The following MYO5A variants were observed in gnomAD, a reference collection of about 807,000 sequenced individuals.
MYO5A encodes myosin VA.
Under a neutral mutation model 249.7 loss-of-function variants are expected in MYO5A, and 98 were observed. The observed-to-expected ratio is 0.39, with a 90% CI of 0.33 to 0.46. MYO5A has a LOEUF of 0.46. MYO5A is among the 20% of genes least tolerant of loss of function. The pLI, the probability that MYO5A is intolerant of heterozygous loss-of-function variation, is 0.98. For synonymous variants in MYO5A, 778 were observed against 810.6 expected (o/e 0.96, Z 0.68); for missense variants, 1,696 against 2,308.8 (o/e 0.73, Z 5.44).
chr15:52,463,391 C>T (rs1359670036), intron 1 of MYO5A, among the ~76,000 whole-genome samples: 1 of 152,126 alleles, frequency 6.6e-6, no homozygotes, highest in African/African-American at 2.4e-5. Context: ...AAACGTCATC[C>T]ATGAGTTAAG....
At chr15:52,425,549 G>A (rs985122008) in intron 4 of MYO5A, among the ~76,000 whole-genome samples, 6 of 152,024 alleles carry the variant, frequency 3.9e-5, no homozygotes, top group Admixed American at 2.6e-4. Context: ...TAGTAGAGGC[G>A]GGGTTTCGCC....
intron 1 of MYO5A, among the ~76,000 whole-genome samples, chr15:52,478,067 G>A (rs1307603290): frequency 3.3e-5 from 5 of 152,158 alleles, no homozygotes; most frequent in Non-Finnish European, 5.9e-5. Flanking sequence ...CACCCAGTTC[G>A]AGCTTCCCAG....
chr15:52,487,485 A>G (rs1223582803), intron 1 of MYO5A, among the ~76,000 whole-genome samples: 1 of 152,088 alleles, frequency 6.6e-6, no homozygotes, highest in African/African-American at 2.4e-5. Flanking sequence ...ACACTTTGGG[A>G]GGCCGAGGCA....
intron 1 of MYO5A, among the ~76,000 whole-genome samples, chr15:52,526,404 G>A (rs370199249): frequency 3.4e-4 from 51 of 151,742 alleles, no homozygotes; most frequent in African/African-American, 1.2e-3. Context: ...ACAGAGTTTC[G>A]CTCTTGTTGC....
chr15:52,344,351 A>G (rs1221000593), intron 30 of MYO5A, among the ~76,000 whole-genome samples: 2 of 152,086 alleles, frequency 1.3e-5, no homozygotes, highest in Non-Finnish European at 2.9e-5. Flanking sequence ...CATATGTATA[A>G]ATCTACTGAT....
At chr15:52,510,469 C>G (rs190481874) in intron 1 of MYO5A, among the ~76,000 whole-genome samples, 26 of 152,268 alleles carry the variant, frequency 1.7e-4, no homozygotes, top group African/African-American at 6.0e-4. Context: ...GTCCCCCATC[C>G]CCGGGCTATG....
chr15:52,522,563 C>T (rs1220001784), intron 1 of MYO5A, among the ~76,000 whole-genome samples: 1 of 152,324 alleles, frequency 6.6e-6, no homozygotes, highest in Non-Finnish European at 1.5e-5. Context: ...GTACCTCATA[C>T]TTCACTGGGA....
intron 1 of MYO5A, among the ~76,000 whole-genome samples, chr15:52,456,469 A>C (rs773706418): frequency 8.5e-5 from 13 of 152,124 alleles, no homozygotes; most frequent in Non-Finnish European, 1.9e-4. Context: ...AAACAATCCT[A>C]AAATTTATAT....
At chr15:52,496,688 C>A (rs942211940) in intron 1 of MYO5A, among the ~76,000 whole-genome samples, 3 of 152,144 alleles carry the variant, frequency 2.0e-5, no homozygotes, top group Non-Finnish European at 4.4e-5. Flanking sequence ...GGGCAAATAT[C>A]CCATAACACC....
chr15:52,429,431 G>A (rs1040111028), intron 2 of MYO5A, among the ~76,000 whole-genome samples: 11 of 152,174 alleles, frequency 7.2e-5, no homozygotes, highest in African/African-American at 2.7e-4. Flanking sequence ...GCTCATGCCT[G>A]TAATCCCAAC....
intron 7 of MYO5A, among the ~76,000 whole-genome samples, chr15:52,407,656 C>T (rs1000078791): frequency 2.0e-5 from 3 of 151,030 alleles, no homozygotes; most frequent in Admixed American, 1.3e-4. Context: ...GGTTTTATTC[C>T]AATCTACACA....
intron 24 of MYO5A, among the ~76,000 whole-genome samples, chr15:52,363,345 T>C (rs1008432983): frequency 3.9e-5 from 6 of 152,228 alleles, no homozygotes; most frequent in Non-Finnish European, 8.8e-5. Flanking sequence ...TTTAGATTTG[T>C]CAATTATAAG....
intron 1 of MYO5A, among the ~76,000 whole-genome samples, chr15:52,483,950 C>T (rs11856989): frequency 5.3e-5 from 8 of 152,090 alleles, no homozygotes; most frequent in African/African-American, 1.7e-4. Context: ...AACTGCAAGC[C>T]GTCCACCTCC....
intron 15 of MYO5A, 84 bp from the exon 16 acceptor site, chr15:52,383,272 T>C: frequency 4.4e-6 from 5 of 1,131,554 alleles, no homozygotes; most frequent in Non-Finnish European, 6.7e-6. Flanking sequence ...TCCCTTCCTA[T>C]GACACTAATG....
At chr15:52,408,577 T>C (rs543330982) in intron 6 of MYO5A, among the ~76,000 whole-genome samples, 133 of 152,344 alleles carry the variant, frequency 8.7e-4, no homozygotes, top group African/African-American at 3.1e-3. Flanking sequence ...ACTGTGGTTA[T>C]TTGTAGGAAA....
intron 1 of MYO5A, among the ~76,000 whole-genome samples, chr15:52,453,790 C>T (rs945613611): frequency 3.9e-5 from 6 of 151,974 alleles, no homozygotes; most frequent in African/African-American, 1.4e-4. Context: ...TAGTCATCTC[C>T]TTGACATAAC....
At chr15:52,438,003 T>C in intron 1 of MYO5A, 1 of 981,656 alleles carries the variant, frequency 1.0e-6, no homozygotes, top group Non-Finnish European at 1.2e-6. Flanking sequence ...CAAGGAGAAA[T>C]AGGTCAGAAA....
intron 1 of MYO5A, among the ~76,000 whole-genome samples, chr15:52,526,903 G>A (rs902306574): frequency 6.6e-6 from 1 of 152,284 alleles, no homozygotes; most frequent in East Asian, 1.9e-4. Context: ...ACTCAAAGAT[G>A]ACTGCTCACC....
At chr15:52,459,173 T>TTTTTTTTTTA (rs1184399272) in intron 1 of MYO5A, among the ~76,000 whole-genome samples, 1 of 142,464 alleles carries the variant, frequency 7.0e-6, no homozygotes, top group Non-Finnish European at 1.5e-5. Flanking sequence ...TTTTTTTTTT[T>TTTTTTTTTTA]TAGTATTTAT....
Sources: allele counts gnomAD v4.1 joint callset (sites outside exome capture counted in the v4.1 genomes callset), GRCh38; gene constraint gnomAD v4.1.1; transcripts MANE v1.5; gene names NCBI Gene and HGNC (gene_info 2026-07-23, HGNC 2026-07-21).